The following COL4A2 variants were observed in gnomAD, a reference collection of about 807,000 sequenced individuals.
COL4A2 encodes collagen alpha-2(IV) chain.
Under a neutral mutation model 200.2 loss-of-function variants are expected in COL4A2, and 99 were observed. The ratio of observed to expected loss-of-function variants is 0.49; its 90% confidence interval spans 0.42 to 0.58. The LOEUF (loss-of-function observed/expected upper bound fraction) is 0.58, where lower values mean the gene tolerates loss of function less well. COL4A2 is among the 20% of genes least tolerant of loss of function. COL4A2 has a pLI of 0.00. For synonymous variants in COL4A2, 897 were observed against 900.6 expected (o/e 1.00, Z 0.07); for missense variants, 1,950 against 2,314.1 (o/e 0.84, Z 3.23).
Position 110,507,276 on chromosome 13 carries a change from G to A in COL4A2, c.4595-659G>A, listed in dbSNP as rs114533979. Among the ~76,000 whole-genome samples, 713 of 152,206 alleles carry A rather than the reference G, an allele frequency of 4.7e-3. 4 individuals carry two copies. The highest frequency in any genetic ancestry group is 0.016 in the African/African-American group (681 of 41,534). On this transcript the variant is annotated intron_variant, in intron 46 of 47. Coordinates refer to ENST00000360467, the MANE Select transcript of COL4A2 (RefSeq NM_001846.4). ...GGTGCCTTCACATTCCTGCCTGTGC[G>A]CCCCGCCTCCACAATGAGTTTCTAA...
intron 3 of COL4A2, among the ~76,000 whole-genome samples, chr13:110,347,050 T>G (rs1198504179): frequency 6.6e-6 from 1 of 152,210 alleles, no homozygotes; most frequent in East Asian, 1.9e-4. Context: ...CATCTCAGCC[T>G]GCTTTTCGCC....
chr13:110,367,984 T>C (rs1345910471), intron 4 of COL4A2, among the ~76,000 whole-genome samples: 1 of 152,174 alleles, frequency 6.6e-6, no homozygotes, highest in Non-Finnish European at 1.5e-5. Context: ...CAAGCAAAAC[T>C]CTGAAACAGG....
At chr13:110,469,110 T>A in intron 27 of COL4A2, 107 bp from the exon 28 acceptor site, 1 of 1,291,258 alleles carries the variant, frequency 7.7e-7, no homozygotes, top group Non-Finnish European at 1.1e-6. Context: ...CCCAGCCTCA[T>A]CATTTCCCGG....
intron 4 of COL4A2, among the ~76,000 whole-genome samples, chr13:110,379,344 C>T (rs777971607): frequency 9.8e-5 from 15 of 152,356 alleles, no homozygotes; most frequent in African/African-American, 2.9e-4. Flanking sequence ...GAGGCGAGTA[C>T]GCGTGCAGGT....
At chr13:110,429,984 A>G (rs1230987924) in intron 8 of COL4A2, 28 bp downstream of exon 8, 2 of 1,559,208 alleles carry the variant, frequency 1.3e-6, no homozygotes, top group Non-Finnish European at 1.7e-6. Context: ...GGGAGGGGTA[A>G]TGAAGGGACC....
At position 110,432,592 on chromosome 13, in the gene COL4A2, T is replaced by A. The variant is rs185707794; in HGVS notation, c.684+232T>A. On this transcript the variant is annotated intron_variant, in intron 11 of 47. Transcript: ENST00000360467. Reference sequence around the variant, plus strand: ...GAATGATTTGTTGTTTGCAAATTAATTACCACATGCCTGTTGGTATATGAA... The same window carrying A: ...GAATGATTTGTTGTTTGCAAATTAAATACCACATGCCTGTTGGTATATGAA... Among the ~76,000 whole-genome samples, 3 of 152,356 alleles carry A rather than the reference T, an allele frequency of 2.0e-5. No individual in the cohort carries two copies. The East Asian group carries it at 5.8e-4, about 29-fold the overall frequency.
chr13:110,498,839 G>A (rs1883542845), intron 40 of COL4A2, among the ~76,000 whole-genome samples: 1 of 152,166 alleles, frequency 6.6e-6, no homozygotes, highest in African/African-American at 2.4e-5. Context: ...ACCTCCTGTG[G>A]CCCTCCTTGC....
In COL4A2 at chr13:110,430,534, C is replaced by T. The variant is rs1555328406; in HGVS notation, c.586-11C>T. 1.2e-6 allele frequency: 2 copies of T among 1,614,204 alleles called. No homozygotes were observed. The highest frequency in any genetic ancestry group is 2.2e-5 in the East Asian group (1 of 44,880). ...CTCTCTTAAAAACATTCTCCCGCTG[C>T]CTATCCATAGGGACCTCCCGGCCGC... On this transcript the variant is annotated splice_polypyrimidine_tract_variant and intron_variant, in intron 9 of 47. Coordinates refer to ENST00000360467, the MANE Select transcript of COL4A2 (RefSeq NM_001846.4).
intron 36 of COL4A2, 36 bp downstream of exon 36, chr13:110,489,821 A>G (rs750862083): frequency 1.3e-6 from 2 of 1,586,492 alleles, no homozygotes; most frequent in Admixed American, 3.6e-5. Context: ...CATCTTCAAC[A>G]ACAGCCCTGA....
rs79349439 is a variant in COL4A2, at chr13:110,458,469, C to A, written c.1433-302C>A. 0.23 allele frequency among the ~76,000 whole-genome samples: 35,711 copies of A among 152,170 alleles called. 4,602 individuals are homozygous for A. The highest frequency in any genetic ancestry group is 0.3 in the Non-Finnish European group (20,302 of 67,968). On this transcript the variant is annotated intron_variant, in intron 21 of 47. Coordinates refer to ENST00000360467, the MANE Select transcript of COL4A2 (RefSeq NM_001846.4). Reference sequence around the variant, plus strand: ...CAGCTCTAAGCACTGAATTCCTTAACCTCCTTCACACTCCCCGCAACTCAA... The same window carrying A: ...CAGCTCTAAGCACTGAATTCCTTAAACTCCTTCACACTCCCCGCAACTCAA...
At chr13:110,354,672 G>A (rs1480088015) in intron 3 of COL4A2, among the ~76,000 whole-genome samples, 1 of 150,196 alleles carries the variant, frequency 6.7e-6, no homozygotes, top group Non-Finnish European at 1.5e-5. Flanking sequence ...TACTATATTA[G>A]GTAAAGAATT....
chr13:110,330,231 G>A (rs1221444965), intron 3 of COL4A2, among the ~76,000 whole-genome samples: 3 of 152,124 alleles, frequency 2.0e-5, no homozygotes, highest in Non-Finnish European at 2.9e-5. Context: ...CTAAATAAAG[G>A]AATTTTCGGT....
intron 4 of COL4A2, among the ~76,000 whole-genome samples, chr13:110,368,852 G>C (rs1206846072): frequency 1.2e-4 from 5 of 42,604 alleles, no homozygotes; most frequent in Non-Finnish European, 1.9e-4. Flanking sequence ...AAGAAAAGGG[G>C]GGGGGGGGGT....
chr13:110,416,713 A>G (rs776422999), intron 4 of COL4A2, among the ~76,000 whole-genome samples: 2 of 152,242 alleles, frequency 1.3e-5, no homozygotes, highest in African/African-American at 4.8e-5. Context: ...AGATAAAACT[A>G]TATAATAGCA....
intron 4 of COL4A2, among the ~76,000 whole-genome samples, chr13:110,389,917 CT>C (rs890460459): frequency 2.6e-5 from 4 of 151,550 alleles, no homozygotes; most frequent in African/African-American, 9.7e-5. Flanking sequence ...TCTTTTATGA[CT>C]TTTACTCCCT....
chr13:110,447,754 C>T (rs111338414), intron 18 of COL4A2, among the ~76,000 whole-genome samples: 5,508 of 127,384 alleles, frequency 0.043, 346 homozygotes, highest in African/African-American at 0.14. Context: ...TGAGTGACGA[C>T]GTGCAGAAAC....
intron 4 of COL4A2, among the ~76,000 whole-genome samples, chr13:110,419,124 C>G (rs893959444): frequency 6.6e-6 from 1 of 152,126 alleles, no homozygotes; most frequent in Admixed American, 6.5e-5. Flanking sequence ...GAACACACTG[C>G]GGAAGGGAGG....
At chr13:110,484,051 T>C (rs1883027640) in intron 32 of COL4A2, among the ~76,000 whole-genome samples, 1 of 152,100 alleles carries the variant, frequency 6.6e-6, no homozygotes, top group Non-Finnish European at 1.5e-5. Context: ...CACTTGTGCT[T>C]TCAAATAGTC....
At chr13:110,361,550 A>T (rs1877514127) in intron 4 of COL4A2, among the ~76,000 whole-genome samples, 1 of 152,226 alleles carries the variant, frequency 6.6e-6, no homozygotes, top group Non-Finnish European at 1.5e-5. Flanking sequence ...GTGACAGCCA[A>T]CATCGGAAGT....
Sources: gnomAD v4.1 joint callset for allele counts (sites outside exome capture counted in the v4.1 genomes callset) on GRCh38, gnomAD v4.1.1 for gene constraint, MANE v1.5 for transcripts, NCBI Gene and HGNC (gene_info 2026-07-23, HGNC 2026-07-21) for gene names.